PPP1R7: variants seen among roughly 807,000 people sequenced by gnomAD.
PPP1R7 encodes the protein protein phosphatase 1 regulatory subunit 22.
In PPP1R7, 18 loss-of-function variants were observed where a neutral mutation model predicts 45.2. The ratio of observed to expected loss-of-function variants is 0.40; its 90% CI spans 0.28 to 0.59. The LOEUF is 0.59. PPP1R7 is among the 20% of genes least tolerant of loss of function. PPP1R7 has a pLI of 0.46. For missense variants in PPP1R7, 314 were observed against 455.8 expected (o/e 0.69, Z 2.83); for synonymous variants, 181 against 183.4 (o/e 0.99, Z 0.11).
intron 6 of PPP1R7, 92 bp downstream of exon 6, chr2:241,160,586 A>C (rs1322183775): frequency 4.5e-5 from 50 of 1,118,066 alleles, no homozygotes; most frequent in Non-Finnish European, 6.1e-5. Flanking sequence ...ATGCATGGTG[A>C]GTCTGCATTT....
At chr2:241,163,896 T>C (rs995067883) in intron 7 of PPP1R7, among the ~76,000 whole-genome samples, 1 of 151,708 alleles carries the variant, frequency 6.6e-6, no homozygotes, top group Admixed American at 6.6e-5. Context: ...TTTACAAGCA[T>C]GAGTCACCAC....
At chr2:241,179,714 A>G (rs1401591961) in intron 9 of PPP1R7, among the ~76,000 whole-genome samples, 1 of 152,200 alleles carries the variant, frequency 6.6e-6, no homozygotes, top group African/African-American at 2.4e-5. Flanking sequence ...TTTTTCCATG[A>G]TGAGTGTAAC....
chr2:241,159,371 G>C (rs568512929), intron 5 of PPP1R7, 28 bp downstream of exon 5: 1 of 1,607,422 alleles, frequency 6.2e-7, no homozygotes, highest in South Asian at 1.1e-5. Flanking sequence ...CAGGAGAACA[G>C]CATGGTGGGA....
At chr2:241,150,353 A>G, upstream of PPP1R7, 1 of 1,338,150 alleles carries the variant, frequency 7.5e-7, no homozygotes, top group Admixed American at 4.0e-5. Context: ...TACAACTCCC[A>G]TGAGGCGCTG....
intron 2 of PPP1R7, chr2:241,154,962 CCTA>C: frequency 6.6e-6 from 1 of 152,282 alleles, no homozygotes; most frequent in Middle Eastern, 3.4e-3. Flanking sequence ...ACTATGGCAA[CCTA>C]CTTTTAAGTC....
intron 6 of PPP1R7, among the ~76,000 whole-genome samples, chr2:241,162,653 C>T (rs2067620007): frequency 6.7e-6 from 1 of 150,194 alleles, no homozygotes; most frequent in South Asian, 2.1e-4. Flanking sequence ...CCGTACCTCT[C>T]TTCTGTAGAG....
At chr2:241,162,731 A>G (rs2268895) in intron 6 of PPP1R7, among the ~76,000 whole-genome samples, 72,675 of 148,932 alleles carry the variant, frequency 0.49, 17,854 homozygotes, top group East Asian at 0.68. Context: ...TGCCCAGGCT[A>G]GAGTGCAGTG....
upstream of PPP1R7, chr2:241,150,089 G>C: frequency 3.2e-6 from 4 of 1,269,222 alleles, no homozygotes; most frequent in Non-Finnish European, 4.0e-6. Flanking sequence ...TTGCAGCCAC[G>C]GAAAGATCCG....
chr2:241,150,745 C>T (rs2067254214), intron 1 of PPP1R7, among the ~76,000 whole-genome samples, 198 bp downstream of exon 1: 1 of 152,078 alleles, frequency 6.6e-6, no homozygotes. Context: ...GGGGCGGCAG[C>T]GGCCGGGAAG....
At chr2:241,149,673 C>A, upstream of PPP1R7, 7 of 1,547,100 alleles carry the variant, frequency 4.5e-6, no homozygotes, top group Non-Finnish European at 6.1e-6. Flanking sequence ...CCGGGCCGGG[C>A]AGATGCGGTT....
At chr2:241,180,168 T>A (rs57956233) in intron 9 of PPP1R7, among the ~76,000 whole-genome samples, 8,429 of 152,152 alleles carry the variant, frequency 0.055, 530 homozygotes, top group African/African-American at 0.15. Context: ...CCAGTGGTGT[T>A]TTGAATCATT....
At chr2:241,177,198 G>A (rs1038892616) in intron 9 of PPP1R7, among the ~76,000 whole-genome samples, 2 of 151,314 alleles carry the variant, frequency 1.3e-5, no homozygotes, top group Admixed American at 1.3e-4. Context: ...GCCACTGCAC[G>A]ATCAGGTCAG....
At chr2:241,163,224 G>T in intron 6 of PPP1R7, 61 bp from the exon 7 acceptor site, 1 of 1,144,664 alleles carries the variant, frequency 8.7e-7, no homozygotes, top group South Asian at 1.3e-5. Context: ...CCAGGCACCT[G>T]CTGGCTGCCT....
intron 1 of PPP1R7, among the ~76,000 whole-genome samples, chr2:241,152,784 AC>A (rs1487873567): frequency 1.3e-5 from 2 of 152,174 alleles, no homozygotes; most frequent in Non-Finnish European, 2.9e-5. Flanking sequence ...TGATTTGACA[AC>A]CTTACCAAAG....
chr2:241,171,207 A>G (rs1273720544), intron 9 of PPP1R7, among the ~76,000 whole-genome samples: 1 of 152,202 alleles, frequency 6.6e-6, no homozygotes, highest in African/African-American at 2.4e-5. Context: ...GCAGGGGCCA[A>G]CCTGGGTACC....
At position 241,182,915 on chromosome 2, in the gene PPP1R7, A is replaced by G. The variant is rs77561672; in HGVS notation, c.*92A>G. 3.0e-3 allele frequency: 4,289 copies of G among 1,415,654 alleles called. 91 individuals carry two copies. In the African/African-American group the frequency reaches 0.044, roughly 15 times the overall value. The allele number at this position is 1,415,654 out of a possible 1,614,324, so 87.7% of individuals were successfully genotyped here. A position where few individuals can be genotyped will look rare whatever the true frequency, so the allele number is the denominator to read the frequency against. ...ACCTGTTGCTCCTGAGGTCGTCACT[A>G]TATCAACAGTCACAAACCCAATGGC... is the stretch of plus-strand genomic sequence containing the variant. On this transcript the variant is annotated 3_prime_UTR_variant, in exon 10 of 10. Coordinates refer to ENST00000234038, the MANE Select transcript of PPP1R7 (RefSeq NM_002712.3).
intron 9 of PPP1R7, among the ~76,000 whole-genome samples, chr2:241,172,196 A>T (rs2067829120): frequency 6.9e-6 from 1 of 144,048 alleles, no homozygotes; most frequent in Non-Finnish European, 1.5e-5. Flanking sequence ...TTATTGGCTT[A>T]TTTGCTATAC....
chr2:241,183,437 C>A lies in PPP1R7; in HGVS notation c.*614C>A, dbSNP rs763120629. ...CTGTTTTCACGTGTGCCCGTCAGTT[C>A]TCGCCACATCCCTTGCCTGTGGGTG... On this transcript the variant is annotated 3_prime_UTR_variant, in exon 10 of 10. Transcript: ENST00000234038. 2.1e-6 allele frequency: 1 copy of A among 471,194 alleles called. No individual in the cohort carries two copies. Among genetic ancestry groups the A allele is most frequent in the South Asian group, 1.5e-5 (1 of 64,576 alleles). 29.2% of individuals were successfully genotyped at this position (471,194 alleles called of 1,614,324 possible).
chr2:241,157,355 G>T (rs1381674324), intron 2 of PPP1R7, among the ~76,000 whole-genome samples: 1 of 152,338 alleles, frequency 6.6e-6, no homozygotes, highest in East Asian at 1.9e-4. Flanking sequence ...GCATGGTCTA[G>T]ATTCTAATGG....
Sources: gnomAD v4.1 joint callset for allele counts (sites outside exome capture counted in the v4.1 genomes callset) on GRCh38, gnomAD v4.1.1 for gene constraint, MANE v1.5 for transcripts, NCBI Gene and HGNC (gene_info 2026-07-23, HGNC 2026-07-21) for gene names.